TBX3: variants seen among roughly 807,000 people sequenced by gnomAD.
TBX3 encodes T-box transcription factor TBX3.
Under a neutral mutation model 47.8 loss-of-function variants are expected in TBX3, and 11 were observed. The observed-to-expected ratio is 0.23, with a 90% CI of 0.14 to 0.38. TBX3 has a LOEUF of 0.38. Among genes scored for constraint, TBX3 ranks in the 10% least tolerant of loss-of-function variants. TBX3 has a pLI of 1.00. For missense variants in TBX3, 927 were observed against 1,022.8 expected (o/e 0.91, Z 1.28); for synonymous variants, 500 against 449.3 (o/e 1.11, Z -1.43).
At position 114,684,071 on chromosome 12, in the gene TBX3, G is replaced by GGAGAGAGAGAGAGAGAGA. The variant is rs57078153; in HGVS notation, c.-889_-872dup. On this transcript the variant is annotated 5_prime_UTR_variant, in exon 1 of 7. Transcript: ENST00000349155. ...TGGAACAGAGGGAAAGAGAGGGAGG[G>GGAGAGAGAGAGAGAGAGA]GAGAGAGAGAGAGAGAGAGAGAGAC... The GGAGAGAGAGAGAGAGAGA allele has an allele frequency of 4.1e-5, 9 of 221,190 alleles. No individual in the cohort carries two copies. Among genetic ancestry groups the GGAGAGAGAGAGAGAGAGA allele is most frequent in the African/African-American group, 6.9e-5 (3 of 43,266 alleles). The allele number at this position is 221,190 out of a possible 1,614,324, so 13.7% of individuals were successfully genotyped here.
intron 1 of TBX3, 150 bp downstream of exon 1, chr12:114,682,662 C>T (rs1211062995): frequency 4.1e-6 from 5 of 1,209,306 alleles, no homozygotes; most frequent in Non-Finnish European, 5.8e-6. Flanking sequence ...GCCACCGGGG[C>T]AGGGCCTGGA....
chr12:114,674,462 C>T lies in TBX3; in HGVS notation c.1413G>A (p.Ala471=), dbSNP rs1592847835. 1.9e-6 allele frequency: 3 copies of T among 1,542,124 alleles called. No individual in the cohort carries two copies. The highest frequency in any genetic ancestry group is 2.6e-6 in the Non-Finnish European group (3 of 1,143,776). Residue 471 remains alanine, a synonymous_variant, in exon 6 of 7, where the codon GCG becomes GCA. Coordinates refer to ENST00000349155, the MANE Select transcript of TBX3 (RefSeq NM_005996.4). The stretch of plus-strand genomic sequence containing the variant: ...CAGGCAGGGGGCCCTGGGCCAGGTG[C>T]GCGGCGGCCGCGTCCGTCTGCACCG... ...PLTVQTDAAA[A]HLAQGPLPGL...
At chr12:114,673,285 G>A (rs1454094679) in intron 6 of TBX3, among the ~76,000 whole-genome samples, 1 of 152,312 alleles carries the variant, frequency 6.6e-6, no homozygotes, top group East Asian at 1.9e-4. Context: ...AGGGAAGGGA[G>A]ACCAGACGAA....
chr12:114,682,594 C>A (rs1208295560), intron 1 of TBX3, among the ~76,000 whole-genome samples: 1 of 151,944 alleles, frequency 6.6e-6, no homozygotes, highest in Non-Finnish European at 1.5e-5. Flanking sequence ...GGGAGGGAAC[C>A]CAGGATGCAG....
chr12:114,679,595 A>T lies in TBX3; in HGVS notation c.714T>A (p.Asn238Lys), dbSNP rs1408088799. The T allele has an allele frequency of 6.2e-7, 1 of 1,614,058 alleles. No individual in the cohort carries two copies. The highest frequency in any genetic ancestry group is 8.5e-7 in the Non-Finnish European group (1 of 1,180,036). Residue 238 changes from asparagine (N) to lysine (K), a missense_variant, in exon 3 of 7, where the codon AAT becomes AAA. Asn to Lys is a moderately conservative substitution (Grantham distance 94, BLOSUM62 0). Coordinates refer to ENST00000349155, the MANE Select transcript of TBX3 (RefSeq NM_005996.4). ...TACTATAAGGGAGTTTCAAGATGTC[A>T]TTGGCTCTTACAATGTGGAACCGGG... ...YQPRFHIVRA[N>K]DILKLPYSTF... is the part of the protein sequence containing the mutation.
intron 3 of TBX3, among the ~76,000 whole-genome samples, chr12:114,679,284 A>T (rs549385429): frequency 2.0e-5 from 3 of 152,112 alleles, no homozygotes; most frequent in Non-Finnish European, 4.4e-5. Context: ...TGGCAAAATT[A>T]GTATGGCGTT....
At chr12:114,674,026 G>T in intron 6 of TBX3, 139 bp downstream of exon 6, 1 of 1,160,516 alleles carries the variant, frequency 8.6e-7, no homozygotes, top group Non-Finnish European at 1.2e-6. Flanking sequence ...CATGAGCTAA[G>T]CCTTGAACCC....
chr12:114,679,404 T>G lies in TBX3; in HGVS notation c.804+101A>C, dbSNP rs1196713677. Reference sequence around the variant, plus strand: ...CAAATCACAAAAGACAACTCAAGACTCTCGTCTCCACTCTCTTGTAACTTT... The same window carrying G: ...CAAATCACAAAAGACAACTCAAGACGCTCGTCTCCACTCTCTTGTAACTTT... On this transcript the variant is annotated intron_variant, in intron 3 of 6. Coordinates refer to ENST00000349155, the MANE Select transcript of TBX3 (RefSeq NM_005996.4). The G allele has an allele frequency of 4.6e-6, 7 of 1,521,128 alleles. No individual in the cohort carries two copies. In the African/African-American group the frequency reaches 9.6e-5, roughly 21 times the overall value. The allele number at this position is 1,521,128 out of a possible 1,614,324, so 94.2% of individuals were successfully genotyped here.
chr12:114,682,694 G>A (rs1868989934), intron 1 of TBX3, 118 bp downstream of exon 1: 19 of 1,504,836 alleles, frequency 1.3e-5, no homozygotes, highest in East Asian at 4.5e-5. Context: ...ACATTTCTAG[G>A]GGAACTAACT....
chr12:114,680,483 C>T (rs1464677437), intron 2 of TBX3: 7 of 316,332 alleles, frequency 2.2e-5, no homozygotes, highest in South Asian at 3.5e-5. Flanking sequence ...GGCTCCGAAA[C>T]GTAAACTCTC....
At chr12:114,676,233 G>C (rs1199874550) in intron 5 of TBX3, 80 bp downstream of exon 5, 13 of 1,585,880 alleles carry the variant, frequency 8.2e-6, no homozygotes, top group Non-Finnish European at 9.5e-6. Context: ...CAAGTGCCCT[G>C]GTTGGTGCCC....
Position 114,671,663 on chromosome 12 carries a change from G to A in TBX3, c.*178C>T, listed in dbSNP as rs1050135621. The A allele has an allele frequency of 2.0e-5, 15 of 763,098 alleles. No individual in the cohort carries two copies. Among genetic ancestry groups the A allele is most frequent in the Non-Finnish European group, 3.2e-5 (15 of 466,288 alleles). 47.3% of individuals were successfully genotyped at this position (763,098 alleles called of 1,614,324 possible). A position where few individuals can be genotyped will look rare whatever the true frequency, so the allele number is the denominator to read the frequency against. On this transcript the variant is annotated 3_prime_UTR_variant, in exon 7 of 7. Coordinates refer to ENST00000349155, the MANE Select transcript of TBX3 (RefSeq NM_005996.4). ...TCCAGATCCCGGACATATAAACCAC[G>A]CCAAGAAGACAGGGGCTGTCTCTAG...
rs369260227 is a variant in TBX3, at chr12:114,670,539, C to T, written c.*1302G>A. The T allele has an allele frequency of 1.3e-5, 3 of 226,376 alleles. No individual in the cohort carries two copies. Among genetic ancestry groups the T allele is most frequent in the Non-Finnish European group, 2.6e-5 (3 of 113,748 alleles). The allele number at this position is 226,376 out of a possible 1,614,324, so 14.0% of individuals were successfully genotyped here. Reference sequence around the variant, plus strand: ...CAAAAGAAAAATTAAAAAGTCAAACCGCAGCCTCTGCCCTCCTCCCTCCCC... The same window carrying T: ...CAAAAGAAAAATTAAAAAGTCAAACTGCAGCCTCTGCCCTCCTCCCTCCCC... On this transcript the variant is annotated 3_prime_UTR_variant, in exon 7 of 7. Coordinates refer to ENST00000349155, the MANE Select transcript of TBX3 (RefSeq NM_005996.4).
At chr12:114,678,295 ATTT>A (rs1868795120) in intron 3 of TBX3, among the ~76,000 whole-genome samples, 1 of 152,202 alleles carries the variant, frequency 6.6e-6, no homozygotes, top group South Asian at 2.1e-4. Context: ...AAAATGCTAC[ATTT>A]TATTATTACA....
chr12:114,674,080 G>A lies in TBX3; in HGVS notation c.1710+85C>T, dbSNP rs533632144. ...ATTATTACAGCTACTAGGCCAAAGG[G>A]ATCGGGTGAGGGTCTGCTGGCAAAG... On this transcript the variant is annotated intron_variant, in intron 6 of 6. Coordinates refer to ENST00000349155, the MANE Select transcript of TBX3 (RefSeq NM_005996.4). The A allele has an allele frequency of 5.0e-5, 75 of 1,512,880 alleles. 2 individuals carry two copies. In the Admixed American group the frequency reaches 1.2e-3, roughly 25 times the overall value. 93.7% of individuals were successfully genotyped at this position (1,512,880 alleles called of 1,614,324 possible).
chr12:114,682,751 G>C, intron 1 of TBX3, 61 bp downstream of exon 1: 3 of 1,612,754 alleles, frequency 1.9e-6, no homozygotes, highest in Non-Finnish European at 2.5e-6. Flanking sequence ...TCTGGGAGCA[G>C]AGAAATAAAG....
At position 114,674,497 on chromosome 12, in the gene TBX3, C is replaced by T; in HGVS notation, c.1378G>A (p.Ala460Thr). 1 of 1,517,960 alleles carries T rather than the reference C, an allele frequency of 6.6e-7. No individual in the cohort carries two copies. Among genetic ancestry groups the T allele is most frequent in the African/African-American group, 1.4e-5 (1 of 71,680 alleles). 94.0% of individuals were successfully genotyped at this position (1,517,960 alleles called of 1,614,324 possible). ...GCGTCCGTCTGCACCGTGAGCGGCG[C>T]GAAGGCCTCCTTGCCCGGGAGCGCG... Reference protein sequence around the residue: ...ARALPGKEAFAPLTVQTDAAA... With the variant: ...ARALPGKEAFTPLTVQTDAAA... Residue 460 changes from alanine (A) to threonine (T), a missense_variant, in exon 6 of 7, where the codon GCG (alanine) becomes ACG (threonine). Physicochemically the swap from Ala to Thr is moderately conservative, Grantham distance 58 (BLOSUM62 0). Transcript: ENST00000349155.
rs1340314555 is a variant in TBX3 at position 114,670,593 on chromosome 12, T to C, written c.*1248A>G. The C allele has an allele frequency of 9.5e-6, 2 of 210,364 alleles. No homozygotes were observed. Among genetic ancestry groups the C allele is most frequent in the African/African-American group, 2.2e-5 (1 of 44,544 alleles). The allele number at this position is 210,364 out of a possible 1,614,324, so 13.0% of individuals were successfully genotyped here. ...GCAATCTCAGTTATATTTTAAGGAA[T>C]TTGAAGTGGAGCTGGAAAGTGGCAC... is the stretch of plus-strand genomic sequence containing the variant. On this transcript the variant is annotated 3_prime_UTR_variant, in exon 7 of 7. Coordinates refer to ENST00000349155, the MANE Select transcript of TBX3 (RefSeq NM_005996.4).
intron 6 of TBX3, among the ~76,000 whole-genome samples, chr12:114,673,459 A>G (rs962774585): frequency 2.2e-4 from 34 of 152,068 alleles, no homozygotes; most frequent in African/African-American, 8.2e-4. Context: ...CTGTCCTCTG[A>G]CATTTCCCAC....
Sources: gnomAD v4.1 joint callset for allele counts (sites outside exome capture counted in the v4.1 genomes callset) on GRCh38, gnomAD v4.1.1 for gene constraint, MANE v1.5 for transcripts, NCBI Gene and HGNC (gene_info 2026-07-23, HGNC 2026-07-21) for gene names.